Variants in RPA1 observed in about 807,000 individuals in gnomAD.
The protein encoded by RPA1 is replication protein A 70 kDa DNA-binding subunit.
RPA1 carries 49 observed loss-of-function variants against 83.0 expected under a neutral mutation model. The ratio of observed to expected loss-of-function variants is 0.59; its 90% CI spans 0.47 to 0.75. The LOEUF (loss-of-function observed/expected upper bound fraction) is 0.75. RPA1 is among the 30% of genes least tolerant of loss of function. The pLI is 0.00. For synonymous variants in RPA1, 279 were observed against 281.8 expected (o/e 0.99, Z 0.10); for missense variants, 693 against 776.1 (o/e 0.89, Z 1.27).
At chr17:1,893,941 G>A (rs554123361) in intron 15 of RPA1, among the ~76,000 whole-genome samples, 51 of 151,800 alleles carry the variant, frequency 3.4e-4, no homozygotes, top group Non-Finnish European at 6.8e-4. Flanking sequence ...GCTCACTGCA[G>A]CTTCAAACTC....
intron 1 of RPA1, among the ~76,000 whole-genome samples, chr17:1,831,380 C>T (rs1219857707): frequency 1.3e-5 from 2 of 152,022 alleles, no homozygotes; most frequent in African/African-American, 4.8e-5. Context: ...TGTATTTTGC[C>T]TCTGCGTAGA....
chr17:1,880,639 A>T lies in RPA1; in HGVS notation c.1189A>T (p.Ser397Cys). Residue 397 changes from serine to cysteine, a missense_variant, in exon 12 of 17, where the codon AGC becomes TGC. Physicochemically the swap from Ser to Cys is moderately radical, Grantham distance 112. Coordinates refer to ENST00000254719, the MANE Select transcript of RPA1 (RefSeq NM_002945.5). Reference sequence around the variant, plus strand: ...ACGGAGCCTCTCCGTGCTGTCTTCAAGCACTATCATTGCGAATCCTGACAT... The same window carrying T: ...ACGGAGCCTCTCCGTGCTGTCTTCATGCACTATCATTGCGAATCCTGACAT... The part of the protein sequence containing the change: ...GGRSLSVLSS[S>C]TIIANPDIPE... 1.2e-6 allele frequency: 2 copies of T among 1,614,084 alleles called. No individual in the cohort carries two copies. The highest frequency in any genetic ancestry group is 1.7e-6 in the Non-Finnish European group (2 of 1,180,036).
At chr17:1,881,258 C>G (rs1199275898) in intron 12 of RPA1, among the ~76,000 whole-genome samples, 1 of 152,176 alleles carries the variant, frequency 6.6e-6, no homozygotes, top group Non-Finnish European at 1.5e-5. Context: ...AAGAGTACTT[C>G]AAACTGAGAC....
Position 1,830,040 on chromosome 17 carries a change from G to A in RPA1, c.-54G>A, listed in dbSNP as rs562711050. On this transcript the variant is annotated 5_prime_UTR_variant, in exon 1 of 17. It adds an upstream start codon to the 5' untranslated region. Coordinates refer to ENST00000254719, the MANE Select transcript of RPA1 (RefSeq NM_002945.5). Reference sequence around the variant, plus strand: ...TAACTGCGCAGCGCGCGGGACCCGGGTGGGGAAGCTGGAGCTGTTGCGGGG... The same window carrying A: ...TAACTGCGCAGCGCGCGGGACCCGGATGGGGAAGCTGGAGCTGTTGCGGGG... 1.7e-5 allele frequency: 21 copies of A among 1,246,918 alleles called. No homozygotes were observed. The highest frequency in any genetic ancestry group is 2.1e-5 in the Non-Finnish European group (21 of 986,598). The allele number at this position is 1,246,918 out of a possible 1,614,324, so 77.2% of individuals were successfully genotyped here.
In RPA1 at chr17:1,897,206, C is replaced by T. The variant is rs372465236; in HGVS notation, c.*31C>T. On this transcript the variant is annotated 3_prime_UTR_variant, in exon 17 of 17. Transcript: ENST00000254719. The stretch of plus-strand genomic sequence containing the variant: ...GCAGTGCCAATCGGGCAGAAGTTTG[C>T]AAATAGGCAGAATGGAATCGATTTC... 1.1e-5 allele frequency: 16 copies of T among 1,479,210 alleles called. No homozygotes were observed. The highest frequency in any genetic ancestry group is 1.5e-5 in the Non-Finnish European group (16 of 1,086,832). 91.6% of individuals were successfully genotyped at this position (1,479,210 alleles called of 1,614,324 possible). A position where few individuals can be genotyped will look rare whatever the true frequency, so the allele number is the denominator to read the frequency against.
chr17:1,890,588 G>A (rs575763988), intron 14 of RPA1, among the ~76,000 whole-genome samples: 123 of 152,130 alleles, frequency 8.1e-4, no homozygotes, highest in African/African-American at 2.7e-3. Flanking sequence ...GCATGAACCC[G>A]GGAGGTGGAG....
intron 15 of RPA1, among the ~76,000 whole-genome samples, chr17:1,894,717 T>A (rs773522121): frequency 6.6e-6 from 1 of 152,192 alleles, no homozygotes; most frequent in African/African-American, 2.4e-5. Context: ...ACACTGTTCA[T>A]GGGTGGCGAT....
chr17:1,864,769 G>A (rs1026478049), intron 5 of RPA1, among the ~76,000 whole-genome samples: 3 of 149,668 alleles, frequency 2.0e-5, no homozygotes, highest in Non-Finnish European at 4.5e-5. Context: ...GTGTGGTGGC[G>A]GGCACCTGTA....
Position 1,889,380 on chromosome 17 carries a change from G to C in RPA1, c.1551+529G>C, listed in dbSNP as rs77863199. Among the ~76,000 whole-genome samples, 247 of 150,322 alleles carry C rather than the reference G, an allele frequency of 1.6e-3. 8 individuals are homozygous for C. The East Asian group carries it at 0.042, about 26-fold the overall frequency. Reference sequence around the variant, plus strand: ...AACAGGGGTCTCACTCTGTTGCCCAGAATAGAGTGCAATGGTATCATCACA... The same window carrying C: ...AACAGGGGTCTCACTCTGTTGCCCACAATAGAGTGCAATGGTATCATCACA... On this transcript the variant is annotated intron_variant, in intron 14 of 16. Transcript: ENST00000254719.
At chr17:1,892,142 G>A (rs1039136115) in intron 15 of RPA1, among the ~76,000 whole-genome samples, 8 of 152,118 alleles carry the variant, frequency 5.3e-5, no homozygotes, top group African/African-American at 1.9e-4. Context: ...GAGTAGCTGG[G>A]ATGACAGGCA....
At chr17:1,855,043 TC>T (rs1301893474) in intron 5 of RPA1, among the ~76,000 whole-genome samples, 1 of 152,216 alleles carries the variant, frequency 6.6e-6, no homozygotes, top group Non-Finnish European at 1.5e-5. Context: ...TTATTTCTGT[TC>T]CTAGTTGGTG....
At chr17:1,872,356 A>G in intron 5 of RPA1, 78 bp from the exon 6 acceptor site, 1 of 1,556,474 alleles carries the variant, frequency 6.4e-7, no homozygotes, top group Non-Finnish European at 8.7e-7. Context: ...ACTTTCCCAG[A>G]GCATTCCTTC....
At chr17:1,892,023 TTG>T in intron 15 of RPA1, 83 bp downstream of exon 15, 1 of 896,210 alleles carries the variant, frequency 1.1e-6, no homozygotes, top group Non-Finnish European at 1.7e-6. Context: ...TTTTTTTTTT[TTG>T]AGATGGAGTC....
intron 13 of RPA1, among the ~76,000 whole-genome samples, chr17:1,888,239 G>A (rs1268678544): frequency 2.6e-5 from 4 of 152,194 alleles, no homozygotes; most frequent in African/African-American, 9.7e-5. Flanking sequence ...TGTTTTGAGC[G>A]CGGGAGGGAT....
intron 2 of RPA1, 78 bp from the exon 3 acceptor site, chr17:1,843,842 C>G (rs956369172): frequency 6.9e-6 from 8 of 1,165,088 alleles, no homozygotes; most frequent in Non-Finnish European, 8.9e-6. Context: ...GGCAAACCCA[C>G]TCTCCTGCCA....
At chr17:1,887,471 A>G (rs17292280) in intron 13 of RPA1, among the ~76,000 whole-genome samples, 2,747 of 151,846 alleles carry the variant, frequency 0.018, 101 homozygotes, top group African/African-American at 0.063. Flanking sequence ...AGGCAGGAGA[A>G]TCGTTTGACC....
rs201652370 is a variant in RPA1 at position 1,879,212 on chromosome 17, C to T, written c.760-3C>T. The T allele has an allele frequency of 3.1e-6, 5 of 1,612,708 alleles. No homozygotes were observed. The East Asian group carries it at 8.9e-5, about 29-fold the overall frequency. On this transcript the variant is annotated splice_polypyrimidine_tract_variant and splice_region_variant and intron_variant, in intron 9 of 16. Transcript: ENST00000254719. The stretch of plus-strand genomic sequence containing the variant: ...AGGTTCTGTGGCTTGGCCTCCTTCG[C>T]AGGTGTATTATTTCTCGAAAGGCAC...
intron 15 of RPA1, among the ~76,000 whole-genome samples, chr17:1,893,020 C>T (rs1238032304): frequency 6.6e-6 from 1 of 152,190 alleles, no homozygotes; most frequent in Non-Finnish European, 1.5e-5. Flanking sequence ...AGATGAAAGG[C>T]TTTGCCATTT....
chr17:1,890,594 T>C (rs1597460364), intron 14 of RPA1, among the ~76,000 whole-genome samples: 1 of 151,532 alleles, frequency 6.6e-6, no homozygotes, highest in Non-Finnish European at 1.5e-5. Context: ...ACCCGGGAGG[T>C]GGAGTTTGCA....
Sources: allele counts gnomAD v4.1 joint callset (sites outside exome capture counted in the v4.1 genomes callset), GRCh38; gene constraint gnomAD v4.1.1; transcripts MANE v1.5; gene names NCBI Gene and HGNC (gene_info 2026-07-23, HGNC 2026-07-21).